Variants in ANKRD44 observed in about 807,000 individuals in gnomAD.
ANKRD44 encodes ankyrin repeat domain 44, also known as serine/threonine-protein phosphatase 6 regulatory ankyrin repeat subunit B.
Under a neutral mutation model 116.0 loss-of-function variants are expected in ANKRD44, and 35 were observed. The ratio of observed to expected loss-of-function variants is 0.30; its 90% CI spans 0.23 to 0.40. The LOEUF (loss-of-function observed/expected upper bound fraction) is 0.40, where lower values mean the gene tolerates loss of function less well. Among genes scored for constraint, ANKRD44 ranks in the 10% least tolerant of loss-of-function variants. The probability of loss-of-function intolerance (pLI) is 1.00; values close to 1 mark genes in which losing one functional copy is unlikely to be tolerated. For missense variants in ANKRD44, 1,014 were observed against 1,242.6 expected (o/e 0.82, Z 2.77); for synonymous variants, 435 against 461.8 (o/e 0.94, Z 0.74).
In ANKRD44 at chr2:196,990,896, G is replaced by A. The variant is rs965992343; in HGVS notation, c.2924-1247C>T. Reference sequence around the variant, plus strand: ...GGGCCAGGCAGTCAGCCACGTCTTTGTTAGGAGCGCAAGCCAGGGCCGGGG... The same window carrying A: ...GGGCCAGGCAGTCAGCCACGTCTTTATTAGGAGCGCAAGCCAGGGCCGGGG... On this transcript the variant is annotated intron_variant, in intron 27 of 27. Coordinates refer to ENST00000282272, the MANE Select transcript of ANKRD44 (RefSeq NM_001195144.2). 1.2e-5 allele frequency: 15 copies of A among 1,232,438 alleles called. No individual in the cohort carries two copies. The South Asian group carries it at 3.7e-4, about 30-fold the overall frequency. 76.3% of individuals were successfully genotyped at this position (1,232,438 alleles called of 1,614,324 possible).
chr2:197,128,936 T>C (rs948293073), intron 4 of ANKRD44, among the ~76,000 whole-genome samples: 24 of 152,154 alleles, frequency 1.6e-4, no homozygotes, highest in African/African-American at 5.1e-4. Context: ...AGTAGAATAA[T>C]AAAATGAAAT....
chr2:197,206,711 C>G (rs1450718558), intron 1 of ANKRD44, among the ~76,000 whole-genome samples: 1 of 152,108 alleles, frequency 6.6e-6, no homozygotes, highest in African/African-American at 2.4e-5. Flanking sequence ...CGAGACTCCT[C>G]CGTCTCAAAA....
chr2:197,126,433 T>C (rs1021351120), intron 4 of ANKRD44, among the ~76,000 whole-genome samples: 8 of 152,256 alleles, frequency 5.3e-5, no homozygotes, highest in African/African-American at 1.9e-4. Context: ...TGGTTCTCTC[T>C]GCCAACATCT....
chr2:197,143,149 C>CT (rs61628743), intron 3 of ANKRD44, among the ~76,000 whole-genome samples: 2 of 139,368 alleles, frequency 1.4e-5, no homozygotes, highest in African/African-American at 5.3e-5. Context: ...TCTGTAGGAT[C>CT]TTTTTTTTTT....
At chr2:197,252,110 TC>T (rs1469602451) in intron 1 of ANKRD44, among the ~76,000 whole-genome samples, 3 of 152,280 alleles carry the variant, frequency 2.0e-5, no homozygotes, top group African/African-American at 7.2e-5. Context: ...TAAAGCAGTA[TC>T]TTCAGATTTT....
At chr2:197,148,256 T>C (rs55715907) in intron 2 of ANKRD44, among the ~76,000 whole-genome samples, 7,537 of 152,214 alleles carry the variant, frequency 0.05, 651 homozygotes, top group African/African-American at 0.17. Flanking sequence ...GAAAACTTCC[T>C]GGAGTAAAGA....
At position 197,118,637 on chromosome 2, in the gene ANKRD44, G is replaced by GAGAGAAAGAA. The variant is rs773839262; in HGVS notation, c.906+2694_906+2695insTTCTTTCTCT. Among the ~76,000 whole-genome samples the GAGAGAAAGAA allele has an allele frequency of 7.3e-3, 821 of 112,348 alleles. 4 individuals carry two copies. The highest frequency in any genetic ancestry group is 9.9e-3 in the Non-Finnish European group (524 of 52,982). The allele number at this position is 112,348 out of a possible 152,430, so 73.7% of individuals were successfully genotyped here. On this transcript the variant is annotated intron_variant, in intron 8 of 27. Coordinates refer to ENST00000282272, the MANE Select transcript of ANKRD44 (RefSeq NM_001195144.2). ...AGAAAGAGAGAGAGAGAGAGAGAGA[G>GAGAGAAAGAA]AGAAAGAAAGAAAGAAAGAAAGAAA...
chr2:197,305,139 T>C (rs2084030003), intron 1 of ANKRD44, among the ~76,000 whole-genome samples: 1 of 152,186 alleles, frequency 6.6e-6, no homozygotes, highest in Non-Finnish European at 1.5e-5. Flanking sequence ...TAGTTCCTAA[T>C]CATTCACAAA....
intron 21 of ANKRD44, among the ~76,000 whole-genome samples, chr2:196,967,614 C>G (rs1574199563): frequency 6.6e-6 from 1 of 152,122 alleles, no homozygotes; most frequent in South Asian, 2.1e-4. Flanking sequence ...CCAATGCAAA[C>G]CGGTACAAAC....
intron 2 of ANKRD44, among the ~76,000 whole-genome samples, chr2:197,169,825 A>G (rs2125534698): frequency 6.6e-6 from 1 of 152,292 alleles, no homozygotes; most frequent in South Asian, 2.1e-4. Flanking sequence ...CTCTAATTCT[A>G]GAGCAGTATG....
At chr2:197,174,466 A>G (rs1238587631) in intron 2 of ANKRD44, among the ~76,000 whole-genome samples, 9 of 152,268 alleles carry the variant, frequency 5.9e-5, no homozygotes, top group Admixed American at 5.9e-4. Flanking sequence ...GTTACAGACC[A>G]TACAAACTGT....
downstream of ANKRD44, among the ~76,000 whole-genome samples, chr2:196,981,908 A>G (rs893736974): frequency 6.6e-6 from 1 of 151,766 alleles, no homozygotes; most frequent in Admixed American, 6.6e-5. Context: ...TCCTTCTTCT[A>G]TGACCCTTTA....
At position 197,116,314 on chromosome 2, in the gene ANKRD44, G is replaced by C. The variant is rs76815727; in HGVS notation, c.906+5018C>G. ...TTAATTAAGTGGAGGTTGGTAAAGA[G>C]AGCGCCTTTATTAAATTCCAATAAT... On this transcript the variant is annotated intron_variant, in intron 8 of 27. Transcript: ENST00000282272. 3.8e-3 allele frequency among the ~76,000 whole-genome samples: 573 copies of C among 152,324 alleles called. 5 individuals are homozygous for C. Among genetic ancestry groups the C allele is most frequent in the African/African-American group, 0.013 (534 of 41,554 alleles).
At chr2:197,239,014 G>A (rs745908684) in intron 1 of ANKRD44, among the ~76,000 whole-genome samples, 12 of 152,000 alleles carry the variant, frequency 7.9e-5, no homozygotes, top group African/African-American at 2.2e-4. Flanking sequence ...GTGAACCACC[G>A]TGGCTAGCCC....
chr2:197,276,777 G>A (rs1455418301), intron 1 of ANKRD44, among the ~76,000 whole-genome samples: 1 of 152,138 alleles, frequency 6.6e-6, no homozygotes, highest in Non-Finnish European at 1.5e-5. Context: ...GGTTTGATAA[G>A]GTTGGAAACC....
At chr2:197,219,215 ATATG>A (rs1553535604) in intron 1 of ANKRD44, among the ~76,000 whole-genome samples, 1 of 151,844 alleles carries the variant, frequency 6.6e-6, no homozygotes, top group Non-Finnish European at 1.5e-5. Context: ...GACTACAGGC[ATATG>A]CCACCACATC....
At chr2:197,283,273 T>A (rs973345606) in intron 1 of ANKRD44, among the ~76,000 whole-genome samples, 2 of 152,334 alleles carry the variant, frequency 1.3e-5, no homozygotes, top group Middle Eastern at 3.4e-3. Flanking sequence ...ACCTATTAAA[T>A]TTTTTAAAGC....
chr2:197,231,059 C>A (rs2081849480), intron 1 of ANKRD44, among the ~76,000 whole-genome samples: 1 of 152,080 alleles, frequency 6.6e-6, no homozygotes. Context: ...GAAATCAATC[C>A]AAATTTTGAC....
chr2:196,988,972 T>C lies in ANKRD44; in HGVS notation c.*619A>G. 2.0e-6 allele frequency: 2 copies of C among 985,460 alleles called. No individual in the cohort carries two copies. Among genetic ancestry groups the C allele is most frequent in the South Asian group, 9.4e-5 (2 of 21,290 alleles). The allele number at this position is 985,460 out of a possible 1,614,324, so 61.0% of individuals were successfully genotyped here. On this transcript the variant is annotated 3_prime_UTR_variant, in exon 28 of 28. Coordinates refer to ENST00000282272, the MANE Select transcript of ANKRD44 (RefSeq NM_001195144.2). ...AGGGCATCCAGACTGCAATGTCTTCTAAGCTCTAAGCTGGCTACAGACTGT... is the reference window on the plus strand; with the variant it reads ...AGGGCATCCAGACTGCAATGTCTTCCAAGCTCTAAGCTGGCTACAGACTGT...
Sources: allele counts gnomAD v4.1 joint callset (sites outside exome capture counted in the v4.1 genomes callset), GRCh38; gene constraint gnomAD v4.1.1; transcripts MANE v1.5; gene names NCBI Gene and HGNC (gene_info 2026-07-23, HGNC 2026-07-21).